Variants in LHFPL3 observed in about 807,000 individuals in gnomAD.
The protein encoded by LHFPL3 is LHFPL tetraspan subfamily member 3.
LHFPL3 carries 5 observed loss-of-function variants against 19.3 expected under a neutral mutation model. The ratio of observed to expected loss-of-function variants is 0.26; its 90% CI spans 0.14 to 0.54. LHFPL3 has a LOEUF of 0.54. Ranked by LOEUF, LHFPL3 falls within the 20% of genes least tolerant of loss-of-function variation. The pLI, the probability that LHFPL3 is intolerant of heterozygous loss-of-function variation, is 0.94. For synonymous variants in LHFPL3, 133 were observed against 126.2 expected (o/e 1.05, Z -0.36); for missense variants, 249 against 307.4 (o/e 0.81, Z 1.42).
intron 2 of LHFPL3, among the ~76,000 whole-genome samples, chr7:104,839,426 G>A (rs1351226634): frequency 2.0e-5 from 3 of 152,076 alleles, no homozygotes; most frequent in East Asian, 1.9e-4. Flanking sequence ...CAGCATATTC[G>A]GAGGCCGAGG....
intron 2 of LHFPL3, among the ~76,000 whole-genome samples, chr7:104,812,275 G>GA (rs1790484238): frequency 6.6e-6 from 1 of 152,164 alleles, no homozygotes; most frequent in African/African-American, 2.4e-5. Flanking sequence ...AGCTCAAAGA[G>GA]AAAAGAGCAA....
At chr7:104,888,824 C>T (rs183012897) in intron 2 of LHFPL3, among the ~76,000 whole-genome samples, 7 of 152,064 alleles carry the variant, frequency 4.6e-5, no homozygotes, top group South Asian at 4.2e-4. Context: ...GTTTTCCAGG[C>T]GAAGGAAGAG....
chr7:104,841,493 G>GTGTGT (rs372610653), intron 2 of LHFPL3, among the ~76,000 whole-genome samples: 33,410 of 140,694 alleles, frequency 0.24, 4,126 homozygotes, highest in Admixed American at 0.3. Context: ...CATTATGTGG[G>GTGTGT]GTGTGTGTGT....
intron 1 of LHFPL3, among the ~76,000 whole-genome samples, chr7:104,519,769 C>G (rs1233388358): frequency 1.3e-5 from 2 of 152,004 alleles, no homozygotes; most frequent in African/African-American, 2.4e-5. Flanking sequence ...TGCAGGGAAA[C>G]AAGCCAGCTG....
intron 2 of LHFPL3, chr7:104,738,718 T>C (rs1167152414): frequency 2.6e-5 from 4 of 152,210 alleles, no homozygotes; most frequent in Admixed American, 6.5e-5. Flanking sequence ...TATAGAATAA[T>C]GCTCAACAGT....
At chr7:104,388,289 T>A (rs1790990155) in intron 1 of LHFPL3, among the ~76,000 whole-genome samples, 1 of 152,202 alleles carries the variant, frequency 6.6e-6, no homozygotes. Flanking sequence ...TTATATTCCT[T>A]TGGGTGTATA....
At chr7:104,346,336 G>GTTTT (rs766835972) in intron 1 of LHFPL3, among the ~76,000 whole-genome samples, 58 of 140,350 alleles carry the variant, frequency 4.1e-4, no homozygotes, top group African/African-American at 1.5e-3. Flanking sequence ...AGTTATCAGG[G>GTTTT]TTTTTTTTTT....
At chr7:104,493,374 G>A (rs1159993825) in intron 1 of LHFPL3, among the ~76,000 whole-genome samples, 3 of 151,572 alleles carry the variant, frequency 2.0e-5, no homozygotes, top group Admixed American at 6.6e-5. Flanking sequence ...TCCCTTTTCT[G>A]AAATGTCATC....
chr7:104,461,921 A>G (rs1792672140), intron 1 of LHFPL3, among the ~76,000 whole-genome samples: 1 of 151,918 alleles, frequency 6.6e-6, no homozygotes, highest in Non-Finnish European at 1.5e-5. Context: ...GTCATCTCTG[A>G]TTTCTTTGAG....
chr7:104,797,130 A>G (rs1220144686), intron 2 of LHFPL3, among the ~76,000 whole-genome samples: 1 of 152,226 alleles, frequency 6.6e-6, no homozygotes, highest in Non-Finnish European at 1.5e-5. Context: ...GCTTTGCCTA[A>G]ATTAATGGTC....
At chr7:104,811,152 TTC>T (rs1790458749) in intron 2 of LHFPL3, among the ~76,000 whole-genome samples, 1 of 115,832 alleles carries the variant, frequency 8.6e-6, no homozygotes, top group Non-Finnish European at 1.8e-5. Flanking sequence ...TTCTTTCTTT[TTC>T]TTTCTTTCTT....
intron 1 of LHFPL3, among the ~76,000 whole-genome samples, chr7:104,500,676 C>T (rs1230733047): frequency 1.3e-5 from 2 of 152,196 alleles, no homozygotes; most frequent in Non-Finnish European, 1.5e-5. Context: ...TGCACTTTTA[C>T]CACCTTTCCC....
chr7:104,341,252 T>C (rs1405625440), intron 1 of LHFPL3, among the ~76,000 whole-genome samples: 1 of 152,254 alleles, frequency 6.6e-6, no homozygotes, highest in East Asian at 1.9e-4. Context: ...ATGAAGGTTA[T>C]GTTGTTCTAT....
intron 1 of LHFPL3, among the ~76,000 whole-genome samples, chr7:104,596,230 G>A (rs553561977): frequency 2.6e-5 from 4 of 152,324 alleles, no homozygotes; most frequent in African/African-American, 9.6e-5. Flanking sequence ...CAGTGGCCCT[G>A]CCTCAGACCT....
chr7:104,390,134 T>G (rs1036249519), intron 1 of LHFPL3, among the ~76,000 whole-genome samples: 1 of 151,496 alleles, frequency 6.6e-6, no homozygotes, highest in Non-Finnish European at 1.5e-5. Flanking sequence ...GCAGAATATA[T>G]AAAGGACATT....
At position 104,673,657 on chromosome 7, in the gene LHFPL3, G is replaced by A. The variant is rs76737793; in HGVS notation, c.446-63018G>A. Among the ~76,000 whole-genome samples, 401 of 152,350 alleles carry A rather than the reference G, an allele frequency of 2.6e-3. 2 individuals carry two copies. The highest frequency in any genetic ancestry group is 9.3e-3 in the African/African-American group (385 of 41,582). On this transcript the variant is annotated intron_variant, in intron 1 of 2. Transcript: ENST00000424859. ...GCAAGTATGGAACAATGAGACATCAGTTCAGAAGAGAGTTTGATGAAGGGC... is the reference window on the plus strand; with the variant it reads ...GCAAGTATGGAACAATGAGACATCAATTCAGAAGAGAGTTTGATGAAGGGC...
At chr7:104,445,614 A>G (rs1792316011) in intron 1 of LHFPL3, among the ~76,000 whole-genome samples, 1 of 152,198 alleles carries the variant, frequency 6.6e-6, no homozygotes, top group Non-Finnish European at 1.5e-5. Context: ...TACTTTAAGG[A>G]AGTATAATAT....
chr7:104,602,284 G>C (rs1420352748), intron 1 of LHFPL3, among the ~76,000 whole-genome samples: 1 of 152,052 alleles, frequency 6.6e-6, no homozygotes, highest in Non-Finnish European at 1.5e-5. Flanking sequence ...GCCTCCCAAA[G>C]TGCTGAGATT....
intron 1 of LHFPL3, among the ~76,000 whole-genome samples, chr7:104,665,438 AT>A (rs1383469089): frequency 6.6e-6 from 1 of 152,248 alleles, no homozygotes. Context: ...CATTAAAAAA[AT>A]GTAACCATAT....
Sources: gnomAD v4.1 joint callset for allele counts (sites outside exome capture counted in the v4.1 genomes callset) on GRCh38, gnomAD v4.1.1 for gene constraint, MANE v1.5 for transcripts, NCBI Gene and HGNC (gene_info 2026-07-23, HGNC 2026-07-21) for gene names.